The following CDH4 variants were observed in gnomAD, a reference collection of about 807,000 sequenced individuals.
CDH4 encodes the protein cadherin-4.
Under a neutral mutation model 86.0 loss-of-function variants are expected in CDH4, and 33 were observed. That is an observed-to-expected ratio of 0.38 (90% CI 0.29 to 0.51). CDH4 has a LOEUF of 0.51. Among genes scored for constraint, CDH4 ranks in the 20% least tolerant of loss-of-function variants. CDH4 has a pLI of 0.86. For synonymous variants in CDH4, 555 were observed against 549.4 expected, an observed-to-expected ratio of 1.01 and a Z score of -0.14; for missense variants, 1,114 against 1,307.4, an observed-to-expected ratio of 0.85 and a Z score of 2.28.
At chr20:61,914,012 C>T (rs1042458481) in intron 9 of CDH4, among the ~76,000 whole-genome samples, 1 of 152,200 alleles carries the variant, frequency 6.6e-6, no homozygotes, top group Non-Finnish European at 1.5e-5. Flanking sequence ...AGCATGTCTA[C>T]AGAACGCTGG....
At chr20:61,610,679 G>T (rs2086678450) in intron 2 of CDH4, among the ~76,000 whole-genome samples, 1 of 152,152 alleles carries the variant, frequency 6.6e-6, no homozygotes. Context: ...GTTGGGTGAG[G>T]TCATATTTCC....
At chr20:61,712,049 G>A (rs998884957) in intron 2 of CDH4, among the ~76,000 whole-genome samples, 6 of 151,532 alleles carry the variant, frequency 4.0e-5, no homozygotes, top group Non-Finnish European at 7.4e-5. Context: ...GAGAGAGGGA[G>A]GCTGGAGAGA....
At chr20:61,865,789 G>C (rs1263348449) in intron 6 of CDH4, among the ~76,000 whole-genome samples, 2 of 149,638 alleles carry the variant, frequency 1.3e-5, no homozygotes, top group Middle Eastern at 3.4e-3. Context: ...TTAGTTTCCT[G>C]AGCTAGTTAG....
At chr20:61,906,374 A>C (rs1374652162) in intron 8 of CDH4, among the ~76,000 whole-genome samples, 1 of 152,244 alleles carries the variant, frequency 6.6e-6, no homozygotes, top group Non-Finnish European at 1.5e-5. Flanking sequence ...CACTAGACCA[A>C]GCTGACCAGA....
At chr20:61,628,914 A>G (rs2427195) in intron 2 of CDH4, among the ~76,000 whole-genome samples, 91,490 of 152,194 alleles carry the variant, frequency 0.6, 27,730 homozygotes, top group East Asian at 0.72. Context: ...ATGGTGTCTC[A>G]CTTTCATATC....
chr20:61,693,155 C>A (rs780848973), intron 2 of CDH4, among the ~76,000 whole-genome samples: 1 of 152,160 alleles, frequency 6.6e-6, no homozygotes, highest in Non-Finnish European at 1.5e-5. Context: ...TCAAGGCACA[C>A]CACAGTATAT....
intron 2 of CDH4, among the ~76,000 whole-genome samples, chr20:61,556,516 G>A (rs527534746): frequency 6.6e-6 from 1 of 152,180 alleles, no homozygotes; most frequent in Non-Finnish European, 1.5e-5. Flanking sequence ...CCAAACAGAA[G>A]CTTGAGTGTT....
At chr20:61,310,662 C>A (rs923322441) in intron 2 of CDH4, among the ~76,000 whole-genome samples, 2 of 152,024 alleles carry the variant, frequency 1.3e-5, no homozygotes, top group African/African-American at 4.8e-5. Flanking sequence ...GGTTGGGTAC[C>A]CGCAGCTTAA....
At chr20:61,300,097 A>G (rs1261557598) in intron 2 of CDH4, among the ~76,000 whole-genome samples, 1 of 152,070 alleles carries the variant, frequency 6.6e-6, no homozygotes, top group Non-Finnish European at 1.5e-5. Flanking sequence ...CACTGGTGTA[A>G]AAACAGAGAC....
intron 2 of CDH4, among the ~76,000 whole-genome samples, chr20:61,276,717 A>G (rs1266134710): frequency 6.6e-6 from 1 of 152,124 alleles, no homozygotes; most frequent in Non-Finnish European, 1.5e-5. Context: ...GGCAGTGGAG[A>G]TTCCATCACT....
At chr20:61,814,991 G>A (rs1488343530) in intron 4 of CDH4, among the ~76,000 whole-genome samples, 1 of 152,164 alleles carries the variant, frequency 6.6e-6, no homozygotes, top group Non-Finnish European at 1.5e-5. Flanking sequence ...CTGAGGTTGG[G>A]AGGCACCCCT....
rs373143699 is a variant in CDH4 at position 61,735,525 on chromosome 20, G to A, written c.170-8038G>A. On this transcript the variant is annotated intron_variant, in intron 2 of 15. Coordinates refer to ENST00000614565, the MANE Select transcript of CDH4 (RefSeq NM_001794.5). ...TGCAGACCCCCAAGGGGTTCCCCAG[G>A]GACTCGGGGACCAAGCACAGGAAAC... 2.8e-4 allele frequency among the ~76,000 whole-genome samples: 43 copies of A among 152,246 alleles called. No individual in the cohort carries two copies. In the South Asian group the frequency reaches 8.7e-3, roughly 31 times the overall value.
chr20:61,545,792 G>A (rs2086074204), intron 2 of CDH4, among the ~76,000 whole-genome samples: 1 of 148,048 alleles, frequency 6.8e-6, no homozygotes, highest in African/African-American at 2.5e-5. Context: ...CATGTGTTTG[G>A]GGGGTATGTG....
rs572309372 is a variant in CDH4 at position 61,556,688 on chromosome 20, C to T, written c.170-186875C>T. On this transcript the variant is annotated intron_variant, in intron 2 of 15. Transcript: ENST00000614565. Reference sequence around the variant, plus strand: ...AAAATCATGCTTTCTAGAGGCCACCCGTGTAAGCCCGCGTGCTTCTCCAGT... The same window carrying T: ...AAAATCATGCTTTCTAGAGGCCACCTGTGTAAGCCCGCGTGCTTCTCCAGT... 5.5e-4 allele frequency among the ~76,000 whole-genome samples: 83 copies of T among 152,280 alleles called. 1 individual carries two copies. Among genetic ancestry groups the T allele is most frequent in the African/African-American group, 1.9e-3 (79 of 41,564 alleles).
At chr20:61,695,514 C>A (rs1446593117) in intron 2 of CDH4, among the ~76,000 whole-genome samples, 1 of 152,222 alleles carries the variant, frequency 6.6e-6, no homozygotes, top group Admixed American at 6.5e-5. Context: ...GAGATCACCA[C>A]AGAGAGGGCA....
chr20:61,616,249 G>A (rs1185757390), intron 2 of CDH4, among the ~76,000 whole-genome samples: 1 of 152,238 alleles, frequency 6.6e-6, no homozygotes, highest in East Asian at 1.9e-4. Flanking sequence ...CAGGCCCTGG[G>A]GATGCTGCCT....
rs545889901 is a variant in CDH4, at chr20:61,501,548, G to A, written c.170-242015G>A. 9.8e-5 allele frequency among the ~76,000 whole-genome samples: 15 copies of A among 152,286 alleles called. No homozygotes were observed. The highest frequency in any genetic ancestry group is 4.6e-4 in the Admixed American group (7 of 15,296). The stretch of plus-strand genomic sequence containing the variant: ...CTGCCGTCTCTGCCCCCTCATCCTT[G>A]CTGAATCTCAGAACCTTTGGGCCTG... On this transcript the variant is annotated intron_variant, in intron 2 of 15. Transcript: ENST00000614565. The surrounding 1 kb of genome is among the most constrained non-coding windows in gnomAD (Gnocchi z 4.2).
At chr20:61,383,753 GCATATATATGAAGATATA>G (rs2084933370) in intron 2 of CDH4, among the ~76,000 whole-genome samples, 1 of 69,032 alleles carries the variant, frequency 1.4e-5, no homozygotes, top group African/African-American at 7.2e-5. Flanking sequence ...GAAGATATAT[GCATATATATGAAGATATA>G]TATGCATATA....
chr20:61,341,524 C>CTT (rs561277730), intron 2 of CDH4, among the ~76,000 whole-genome samples: 49 of 133,226 alleles, frequency 3.7e-4, no homozygotes, highest in African/African-American at 6.0e-4. Flanking sequence ...ACTTTTTTTT[C>CTT]TTTTTTTTTT....
Sources: allele counts gnomAD v4.1 joint callset (sites outside exome capture counted in the v4.1 genomes callset), GRCh38; gene constraint gnomAD v4.1.1; non-coding constraint Gnocchi (gnomAD v3.1); transcripts MANE v1.5; gene names NCBI Gene and HGNC (gene_info 2026-07-23, HGNC 2026-07-21).